Variants in KCNH8 observed in about 807,000 individuals in gnomAD.
The protein encoded by KCNH8 is voltage-gated delayed rectifier potassium channel KCNH8.
KCNH8 carries 70 observed loss-of-function variants against 103.6 expected under a neutral mutation model. The observed-to-expected ratio is 0.68, with a 90% CI of 0.56 to 0.82. KCNH8 has a LOEUF of 0.82. KCNH8 is among the 40% of genes least tolerant of loss of function. The pLI is 0.00. For synonymous variants in KCNH8, 498 were observed against 489.4 expected (o/e 1.02, Z -0.23); for missense variants, 1,217 against 1,329.9 (o/e 0.92, Z 1.32).
chr3:19,268,586 T>C (rs2064546279), intron 2 of KCNH8, among the ~76,000 whole-genome samples: 1 of 152,150 alleles, frequency 6.6e-6, no homozygotes, highest in Non-Finnish European at 1.5e-5. Context: ...AGTCACATGA[T>C]GAAAATTTCA....
intron 11 of KCNH8, among the ~76,000 whole-genome samples, chr3:19,484,092 T>C (rs1201801447): frequency 6.6e-6 from 1 of 152,180 alleles, no homozygotes; most frequent in Non-Finnish European, 1.5e-5. Flanking sequence ...GATTATGCAT[T>C]TGGGCACCCC....
intron 7 of KCNH8, among the ~76,000 whole-genome samples, chr3:19,408,291 G>T (rs1014224969): frequency 6.6e-6 from 1 of 151,944 alleles, no homozygotes; most frequent in Non-Finnish European, 1.5e-5. Context: ...ACAGCCCCTA[G>T]GGTGGAAGGG....
chr3:19,271,412 A>G (rs2064586664), intron 2 of KCNH8, among the ~76,000 whole-genome samples: 1 of 152,182 alleles, frequency 6.6e-6, no homozygotes, highest in Non-Finnish European at 1.5e-5. Context: ...CCATTTTTAA[A>G]GTGGAGTATG....
chr3:19,248,084 C>T (rs984340383), intron 1 of KCNH8, among the ~76,000 whole-genome samples: 3 of 152,048 alleles, frequency 2.0e-5, no homozygotes, highest in Non-Finnish European at 4.4e-5. Flanking sequence ...AACACTACAA[C>T]AAGCAATAAT....
chr3:19,424,281 G>A (rs542971792), intron 7 of KCNH8, among the ~76,000 whole-genome samples: 1 of 152,204 alleles, frequency 6.6e-6, no homozygotes, highest in Admixed American at 6.5e-5. Flanking sequence ...CCATGGAACA[G>A]AATTGAGATC....
intron 10 of KCNH8, among the ~76,000 whole-genome samples, chr3:19,454,144 CTGTGTGTGTGTGTGTGTGTGTGTGTG>C (rs372400109): frequency 9.9e-5 from 13 of 131,514 alleles, no homozygotes; most frequent in African/African-American, 2.0e-4. Context: ...AGTAAGGCTT[CTGTGTGTGTGTGTGTGTGTGTGTGTG>C]TGTGTGTGTG....
chr3:19,490,565 C>CT (rs1432403074), intron 11 of KCNH8, among the ~76,000 whole-genome samples: 1 of 152,224 alleles, frequency 6.6e-6, no homozygotes, highest in Non-Finnish European at 1.5e-5. Context: ...AGGGGTCGAT[C>CT]TTTAACTACC....
At chr3:19,257,511 A>T (rs2064361492) in intron 2 of KCNH8, among the ~76,000 whole-genome samples, 1 of 151,926 alleles carries the variant, frequency 6.6e-6, no homozygotes, top group East Asian at 1.9e-4. Flanking sequence ...AATATCAACA[A>T]GTTGTGTCTT....
intron 5 of KCNH8, among the ~76,000 whole-genome samples, chr3:19,376,465 G>A (rs1362137975): frequency 2.6e-5 from 4 of 152,216 alleles, no homozygotes; most frequent in East Asian, 1.9e-4. Flanking sequence ...GCTCATGCAC[G>A]GTGCGCGCAC....
chr3:19,470,311 C>G (rs190350631), intron 11 of KCNH8, among the ~76,000 whole-genome samples: 4 of 152,166 alleles, frequency 2.6e-5, no homozygotes, highest in African/African-American at 9.7e-5. Flanking sequence ...GGAACTCTTA[C>G]AGTCAGGCTC....
chr3:19,299,339 T>A (rs930208374), intron 3 of KCNH8, among the ~76,000 whole-genome samples: 7 of 152,088 alleles, frequency 4.6e-5, no homozygotes, highest in Admixed American at 6.5e-5. Flanking sequence ...CCTCAAAATG[T>A]CCATTCTAAA....
At position 19,384,261 on chromosome 3, in the gene KCNH8, T is replaced by G. The variant is rs77645319; in HGVS notation, c.812-6220T>G. 5.7e-3 allele frequency among the ~76,000 whole-genome samples: 865 copies of G among 152,330 alleles called. 7 individuals carry two copies. The highest frequency in any genetic ancestry group is 0.019 in the African/African-American group (801 of 41,576). On this transcript the variant is annotated intron_variant, in intron 5 of 15. Transcript: ENST00000328405. ...ATCTACAGCTGGAATGATTGCAGAT[T>G]AATAAAATTATGAAATCCCATGGTT...
At chr3:19,198,465 A>T (rs1466602225) in intron 1 of KCNH8, among the ~76,000 whole-genome samples, 1 of 152,100 alleles carries the variant, frequency 6.6e-6, no homozygotes, top group East Asian at 1.9e-4. Context: ...GAAGTCACAG[A>T]GGTCCATCCT....
At chr3:19,380,139 C>G (rs569329136) in intron 5 of KCNH8, among the ~76,000 whole-genome samples, 2 of 152,126 alleles carry the variant, frequency 1.3e-5, no homozygotes, top group Admixed American at 1.3e-4. Context: ...CTGAGAAACT[C>G]TAGATACTAT....
At chr3:19,519,277 T>G (rs2068930684) in intron 15 of KCNH8, among the ~76,000 whole-genome samples, 1 of 151,878 alleles carries the variant, frequency 6.6e-6, no homozygotes, top group Admixed American at 6.6e-5. Context: ...GAGTAAAGTC[T>G]TAGTAATAGT....
At chr3:19,453,806 T>A (rs2067487887) in intron 10 of KCNH8, among the ~76,000 whole-genome samples, 1 of 152,148 alleles carries the variant, frequency 6.6e-6, no homozygotes, top group African/African-American at 2.4e-5. Context: ...AGAAATAATT[T>A]TTTTGTTTAT....
At chr3:19,170,344 G>A (rs985710793) in intron 1 of KCNH8, among the ~76,000 whole-genome samples, 12 of 151,864 alleles carry the variant, frequency 7.9e-5, no homozygotes, top group Non-Finnish European at 1.5e-4. Flanking sequence ...ACACAGCTAT[G>A]TAAAATGTAT....
intron 5 of KCNH8, among the ~76,000 whole-genome samples, chr3:19,351,774 G>A (rs1326537526): frequency 1.3e-5 from 2 of 152,154 alleles, no homozygotes; most frequent in Non-Finnish European, 2.9e-5. Context: ...ACCAGCCACT[G>A]CAAAAATATG....
In KCNH8 at chr3:19,400,231, C is replaced by CAAAAAAAAAAAAAAAAAAAAA. The variant is rs11422314; in HGVS notation, c.1177+4924_1177+4944dup. On this transcript the variant is annotated intron_variant, in intron 7 of 15. Coordinates refer to ENST00000328405, the MANE Select transcript of KCNH8 (RefSeq NM_144633.3). ...CCCTACCAGATACGATGTTAGCCAG[C>CAAAAAAAAAAAAAAAAAAAAA]AAAAAAAAAAAAAAAAAAAAAAAAG... Among the ~76,000 whole-genome samples the CAAAAAAAAAAAAAAAAAAAAA allele has an allele frequency of 9.4e-5, 5 of 53,108 alleles. 2 individuals are homozygous for CAAAAAAAAAAAAAAAAAAAAA. The highest frequency in any genetic ancestry group is 1.4e-4 in the African/African-American group (2 of 14,142). 34.8% of individuals were successfully genotyped at this position (53,108 alleles called of 152,430 possible). A position where few individuals can be genotyped will look rare whatever the true frequency, so the allele number is the denominator to read the frequency against.
Sources: allele counts gnomAD v4.1 joint callset (sites outside exome capture counted in the v4.1 genomes callset), GRCh38; gene constraint gnomAD v4.1.1; transcripts MANE v1.5; gene names NCBI Gene and HGNC (gene_info 2026-07-23, HGNC 2026-07-21).